The following CHD6 variants were observed in gnomAD, a reference collection of about 807,000 sequenced individuals.
The protein encoded by CHD6 is ATP-dependent chromatin remodeler CHD6.
In CHD6, 50 loss-of-function variants were observed where a neutral mutation model predicts 276.9. The ratio of observed to expected loss-of-function variants is 0.18; its 90% confidence interval spans 0.14 to 0.23. The LOEUF is 0.23. CHD6 is among the 10% of genes least tolerant of loss of function. The pLI is 1.00. For missense variants in CHD6, 2,564 were observed against 3,365.8 expected, an observed-to-expected ratio of 0.76 and a Z score of 5.89; for synonymous variants, 1,173 against 1,229.3, an observed-to-expected ratio of 0.95 and a Z score of 0.96.
intron 25 of CHD6, among the ~76,000 whole-genome samples, chr20:41,441,788 A>G (rs948054298): frequency 7.9e-5 from 12 of 152,250 alleles, no homozygotes; most frequent in Admixed American, 7.2e-4. Flanking sequence ...AGGAGCTGCA[A>G]CAGCAATACA....
At chr20:41,545,865 T>C (rs937229120) in intron 2 of CHD6, among the ~76,000 whole-genome samples, 2 of 152,170 alleles carry the variant, frequency 1.3e-5, no homozygotes, top group Non-Finnish European at 2.9e-5. Flanking sequence ...GCAAAAAGCC[T>C]GAAACCTAGC....
At chr20:41,512,739 G>T in intron 5 of CHD6, 107 bp downstream of exon 5, 1 of 1,307,342 alleles carries the variant, frequency 7.6e-7, no homozygotes, top group Non-Finnish European at 1.1e-6. Context: ...ACAAGCAGCA[G>T]TTAAAATGAT....
intron 17 of CHD6, among the ~76,000 whole-genome samples, chr20:41,467,178 C>A (rs2042939938): frequency 6.6e-6 from 1 of 152,074 alleles, no homozygotes; most frequent in African/African-American, 2.4e-5. Flanking sequence ...AACATGTTCT[C>A]CCCCAAGATG....
chr20:41,443,205 C>T (rs1057074107), intron 25 of CHD6, among the ~76,000 whole-genome samples: 6 of 152,166 alleles, frequency 3.9e-5, no homozygotes, highest in African/African-American at 1.4e-4. Flanking sequence ...ATTTATACTC[C>T]CCAAAACTGC....
intron 3 of CHD6, among the ~76,000 whole-genome samples, chr20:41,517,118 C>T (rs987340291): frequency 2.6e-5 from 4 of 152,136 alleles, no homozygotes; most frequent in Non-Finnish European, 4.4e-5. Flanking sequence ...AGGCTGGAGA[C>T]GGGCTTGCCT....
chr20:41,430,541 A>G (rs2047505110), intron 27 of CHD6, among the ~76,000 whole-genome samples: 1 of 152,198 alleles, frequency 6.6e-6, no homozygotes, highest in Non-Finnish European at 1.5e-5. Flanking sequence ...ATACTTGACT[A>G]CAACAAAGAA....
chr20:41,404,460 T>C lies in CHD6; in HGVS notation c.*133A>G. ...CTATTAACATCTGTTACCATAGTTC[T>C]CAGACAGGAAATCAGGTACGTAATC... On this transcript the variant is annotated 3_prime_UTR_variant, in exon 37 of 37. Transcript: ENST00000373233. 1 of 1,369,142 alleles carries C rather than the reference T, an allele frequency of 7.3e-7. No homozygotes were observed. The highest frequency in any genetic ancestry group is 9.4e-7 in the Non-Finnish European group (1 of 1,059,722). The allele number at this position is 1,369,142 out of a possible 1,614,324, so 84.8% of individuals were successfully genotyped here.
intron 16 of CHD6, among the ~76,000 whole-genome samples, chr20:41,475,425 T>C (rs146676680): frequency 6.6e-6 from 1 of 152,214 alleles, no homozygotes; most frequent in Non-Finnish European, 1.5e-5. Context: ...AAGGTTTTCC[T>C]AAACACTTAA....
At chr20:41,432,597 C>G (rs533252724) in intron 27 of CHD6, among the ~76,000 whole-genome samples, 1 of 151,556 alleles carries the variant, frequency 6.6e-6, no homozygotes, top group African/African-American at 2.4e-5. Context: ...GTGCCCCCCC[C>G]GACCTCTGTT....
intron 34 of CHD6, chr20:41,413,737 C>T (rs978540228): frequency 2.0e-4 from 80 of 408,820 alleles, no homozygotes; most frequent in East Asian, 5.8e-4. Context: ...ACTCCTCTCC[C>T]GCTCTTGTCC....
intron 3 of CHD6, among the ~76,000 whole-genome samples, chr20:41,527,163 C>A (rs1450816586): frequency 6.6e-6 from 1 of 152,188 alleles, no homozygotes; most frequent in Non-Finnish European, 1.5e-5. Flanking sequence ...TCAGGCTGGG[C>A]ACCATGGCTC....
chr20:41,551,281 C>T (rs6072417), intron 2 of CHD6, 24 bp downstream of exon 2: 318,797 of 1,385,292 alleles, frequency 0.23, 50,593 homozygotes, highest in African/African-American at 0.62. Context: ...GATGCATTCA[C>T]TTAAAAGAAA....
At chr20:41,601,146 A>G (rs561624853) in intron 1 of CHD6, among the ~76,000 whole-genome samples, 39 of 152,296 alleles carry the variant, frequency 2.6e-4, no homozygotes, top group African/African-American at 8.9e-4. Context: ...TCTTCTGGGA[A>G]GTTCTTCCTA....
At chr20:41,571,134 T>C (rs2045411297) in intron 1 of CHD6, among the ~76,000 whole-genome samples, 1 of 151,932 alleles carries the variant, frequency 6.6e-6, no homozygotes, top group Non-Finnish European at 1.5e-5. Flanking sequence ...AAAAAGAAGG[T>C]CTGGTGATTT....
chr20:41,487,540 G>A, intron 14 of CHD6, 125 bp downstream of exon 14: 6 of 888,744 alleles, frequency 6.8e-6, no homozygotes, highest in Non-Finnish European at 1.0e-5. Flanking sequence ...ATAAAATAAA[G>A]GAGGTAACGC....
chr20:41,443,583 T>C (rs2047966739), intron 25 of CHD6, among the ~76,000 whole-genome samples: 1 of 152,208 alleles, frequency 6.6e-6, no homozygotes, highest in African/African-American at 2.4e-5. Context: ...GTTGTTAGTA[T>C]TTTCTGGGGA....
intron 8 of CHD6, among the ~76,000 whole-genome samples, chr20:41,495,864 A>G (rs1216378426): frequency 6.6e-6 from 1 of 152,190 alleles, no homozygotes; most frequent in African/African-American, 2.4e-5. Flanking sequence ...TTCCTATGAT[A>G]CTGAGTTTGA....
intron 8 of CHD6, chr20:41,496,800 A>C (rs2043697585): frequency 6.6e-6 from 1 of 152,612 alleles, no homozygotes. Flanking sequence ...GAAAACAGAC[A>C]CAAAGGGCTG....
intron 3 of CHD6, among the ~76,000 whole-genome samples, chr20:41,516,388 G>C (rs1460709585): frequency 2.0e-5 from 3 of 152,054 alleles, no homozygotes; most frequent in African/African-American, 7.2e-5. Context: ...TGGCCAGGCT[G>C]GTCTAAAACT....
Sources: allele counts gnomAD v4.1 joint callset (sites outside exome capture counted in the v4.1 genomes callset), GRCh38; gene constraint gnomAD v4.1.1; transcripts MANE v1.5; gene names NCBI Gene and HGNC (gene_info 2026-07-23, HGNC 2026-07-21).